The following EPSTI1 variants were observed in gnomAD, a reference collection of about 807,000 sequenced individuals.
The protein encoded by EPSTI1 is epithelial-stromal interaction protein 1.
In EPSTI1, 66 loss-of-function variants were observed where a neutral mutation model predicts 49.9. That is an observed-to-expected ratio of 1.32 (90% CI 1.08 to 1.62). EPSTI1 has a LOEUF of 1.62. EPSTI1 is among the 40% of genes most tolerant of loss of function. EPSTI1 has a pLI of 0.00. For missense variants in EPSTI1, 394 were observed against 365.5 expected, an observed-to-expected ratio of 1.08 and a Z score of -0.64; for synonymous variants, 137 against 130.7, an observed-to-expected ratio of 1.05 and a Z score of -0.33.
chr13:42,893,308 A>T (rs536273529), intron 10 of EPSTI1, among the ~76,000 whole-genome samples: 2 of 152,328 alleles, frequency 1.3e-5, no homozygotes, highest in East Asian at 3.9e-4. Context: ...AGAGAGTATT[A>T]TTAGAACAAA....
intron 3 of EPSTI1, among the ~76,000 whole-genome samples, chr13:42,965,763 CT>C (rs1470119061): frequency 0.011 from 77 of 6,778 alleles, 24 homozygotes; most frequent in Non-Finnish European, 0.034. Flanking sequence ...CCCTCTCCCT[CT>C]CCCTCCTCTC....
In EPSTI1 at chr13:42,922,415, G is replaced by A. The variant is rs1324421740; in HGVS notation, c.657+3921C>T. 6.6e-6 allele frequency among the ~76,000 whole-genome samples: 1 copy of A among 151,844 alleles called. No individual in the cohort carries two copies. The highest frequency in any genetic ancestry group is 2.4e-5 in the African/African-American group (1 of 41,142). ...AGAGGAAGGCAGAAAGGTCAGGGAG[G>A]GTGCAGAAGGTTGGGTGAGATGGAA... On this transcript the variant is annotated intron_variant, in intron 7 of 10. Coordinates refer to ENST00000313624, the MANE Select transcript of EPSTI1 (RefSeq NM_033255.5). This position sits in a 1 kb window ranked among gnomAD's most constrained non-coding sequence, Gnocchi z 4.8.
At chr13:42,944,763 AAG>A (rs1268476294) in intron 6 of EPSTI1, among the ~76,000 whole-genome samples, 1 of 152,232 alleles carries the variant, frequency 6.6e-6, no homozygotes, top group Non-Finnish European at 1.5e-5. Context: ...TCAATATCAG[AAG>A]AGGTCACTGT....
chr13:42,974,464 T>C (rs1366762447), intron 1 of EPSTI1, among the ~76,000 whole-genome samples: 3 of 152,058 alleles, frequency 2.0e-5, no homozygotes, highest in African/African-American at 7.2e-5. Context: ...GAGACCATCC[T>C]GGCTAACACG....
At chr13:42,902,199 T>C (rs1175248141) in intron 8 of EPSTI1, among the ~76,000 whole-genome samples, 1 of 151,968 alleles carries the variant, frequency 6.6e-6, no homozygotes, top group Non-Finnish European at 1.5e-5. Flanking sequence ...CAACTTCCTC[T>C]CATAGTACAG....
intron 10 of EPSTI1, 133 bp downstream of exon 10, chr13:42,894,876 C>T (rs1336108702): frequency 8.7e-6 from 6 of 690,494 alleles, no homozygotes; most frequent in Non-Finnish European, 1.4e-5. Context: ...TGGCTGACTG[C>T]CCATCACACT....
chr13:42,983,238 C>A (rs1178863662), intron 1 of EPSTI1, among the ~76,000 whole-genome samples: 1 of 152,154 alleles, frequency 6.6e-6, no homozygotes, highest in Non-Finnish European at 1.5e-5. Flanking sequence ...CTCTCTTTAG[C>A]CTATAGAACT....
At chr13:42,970,740 T>A in intron 1 of EPSTI1, 70 bp from the exon 2 acceptor site, 1 of 1,247,452 alleles carries the variant, frequency 8.0e-7, no homozygotes, top group Non-Finnish European at 1.1e-6. Context: ...CACCAGATAT[T>A]TTTCCTTCTA....
At chr13:42,898,477 A>T (rs1422919947) in intron 9 of EPSTI1, among the ~76,000 whole-genome samples, 1 of 152,254 alleles carries the variant, frequency 6.6e-6, no homozygotes, top group Non-Finnish European at 1.5e-5. Context: ...ACTTGATCAG[A>T]TACTTCAAAA....
At chr13:42,901,229 T>G (rs2037342821) in intron 8 of EPSTI1, among the ~76,000 whole-genome samples, 1 of 152,200 alleles carries the variant, frequency 6.6e-6, no homozygotes, top group Non-Finnish European at 1.5e-5. Flanking sequence ...CTGTCACGTC[T>G]TAACACATAC....
intron 1 of EPSTI1, among the ~76,000 whole-genome samples, chr13:42,971,184 A>G (rs1328936001): frequency 6.6e-6 from 1 of 152,206 alleles, no homozygotes; most frequent in African/African-American, 2.4e-5. Flanking sequence ...CTAGGGACAC[A>G]GGTTGAGCAT....
intron 1 of EPSTI1, among the ~76,000 whole-genome samples, chr13:42,976,132 A>G (rs2039877392): frequency 6.6e-6 from 1 of 152,250 alleles, no homozygotes; most frequent in Non-Finnish European, 1.5e-5. Flanking sequence ...CCTGGATCAG[A>G]GTCAAAGACT....
intron 1 of EPSTI1, among the ~76,000 whole-genome samples, chr13:42,975,580 A>G (rs911763417): frequency 9.9e-5 from 15 of 152,198 alleles, no homozygotes; most frequent in Non-Finnish European, 7.3e-5. Context: ...CACACCCAGG[A>G]TCCCCATGGC....
intron 6 of EPSTI1, among the ~76,000 whole-genome samples, chr13:42,932,135 G>A (rs550372516): frequency 2.0e-5 from 3 of 151,798 alleles, no homozygotes; most frequent in African/African-American, 7.3e-5. Flanking sequence ...GTCTTGCTGT[G>A]TTGCCCGGGC....
intron 6 of EPSTI1, among the ~76,000 whole-genome samples, chr13:42,952,373 G>C (rs529678755): frequency 6.6e-6 from 1 of 152,274 alleles, no homozygotes; most frequent in East Asian, 1.9e-4. Flanking sequence ...GCGAGTCCAA[G>C]AGCCCACCAG....
At chr13:42,975,211 G>A (rs1290320257) in intron 1 of EPSTI1, among the ~76,000 whole-genome samples, 2 of 152,106 alleles carry the variant, frequency 1.3e-5, no homozygotes, top group African/African-American at 4.8e-5. Context: ...AGGCATTTAG[G>A]TTTCCAAAAG....
intron 7 of EPSTI1, among the ~76,000 whole-genome samples, chr13:42,924,416 A>G (rs1036186053): frequency 2.6e-5 from 4 of 152,224 alleles, no homozygotes; most frequent in Non-Finnish European, 5.9e-5. Flanking sequence ...ATTAAAATTC[A>G]GGACGATCTT....
At position 42,968,921 on chromosome 13, in the gene EPSTI1, T is replaced by TACACACACACACACAC. The variant is rs71970864; in HGVS notation, c.331+157_331+172dup. ...GCAGAAAATCAGAAAAAAAAAAAAA[T>TACACACACACACACAC]ACACACACACACACACACACACACA... On this transcript the variant is annotated intron_variant, in intron 3 of 10. Coordinates refer to ENST00000313624, the MANE Select transcript of EPSTI1 (RefSeq NM_033255.5). Among the ~76,000 whole-genome samples, 50 of 117,630 alleles carry TACACACACACACACAC rather than the reference T, an allele frequency of 4.3e-4. 1 individual carries two copies. The highest frequency in any genetic ancestry group is 4.4e-3 in the Middle Eastern group (1 of 228). 77.2% of individuals were successfully genotyped at this position (117,630 alleles called of 152,430 possible).
chr13:42,935,879 AC>A (rs374886885), intron 6 of EPSTI1, among the ~76,000 whole-genome samples: 43 of 152,290 alleles, frequency 2.8e-4, no homozygotes, highest in African/African-American at 9.9e-4. Context: ...GGTGTGAGCC[AC>A]CATGCCCGGC....
Sources: allele counts gnomAD v4.1 joint callset (sites outside exome capture counted in the v4.1 genomes callset), GRCh38; gene constraint gnomAD v4.1.1; non-coding constraint Gnocchi (gnomAD v3.1); transcripts MANE v1.5; gene names NCBI Gene and HGNC (gene_info 2026-07-23, HGNC 2026-07-21).